The following KMT2C variants were observed in gnomAD, a reference collection of about 807,000 sequenced individuals.
KMT2C encodes lysine methyltransferase 2C.
KMT2C carries 88 observed loss-of-function variants against 507.9 expected under a neutral mutation model. That is an observed-to-expected ratio of 0.17 (90% CI 0.15 to 0.21). The LOEUF is 0.21. Among genes scored for constraint, KMT2C ranks in the 10% least tolerant of loss-of-function variants. The pLI is 1.00. For synonymous variants in KMT2C, 2,049 were observed against 2,080.8 expected (o/e 0.98, Z 0.42); for missense variants, 4,954 against 5,957.8 (o/e 0.83, Z 5.55).
rs2129089921 is a variant in KMT2C at position 152,139,768 on chromosome 7, T to G, written c.14367A>C (p.Arg4789=). ...RIQGLGLYAA[R]DIEKHTMVIE... ...TGACCATGGTGTGTTTCTCAATGTC[T>G]CGAGCAGCATACAGGCCCAGCCCCT... Residue 4789 remains arginine, a synonymous_variant, in exon 56 of 59, where the codon CGA becomes CGC. Transcript: ENST00000262189. 1.9e-6 allele frequency: 3 copies of G among 1,614,044 alleles called. No homozygotes were observed. The highest frequency in any genetic ancestry group is 2.5e-6 in the Non-Finnish European group (3 of 1,179,936).
Position 152,189,252 on chromosome 7 carries a change from G to C in KMT2C, c.4661-1405C>G, listed in dbSNP as rs28711411. Among the ~76,000 whole-genome samples, 1,184 of 152,218 alleles carry C rather than the reference G, an allele frequency of 7.8e-3. 20 individuals are homozygous for C. Among genetic ancestry groups the C allele is most frequent in the African/African-American group, 0.028 (1,143 of 41,548 alleles). On this transcript the variant is annotated intron_variant, in intron 31 of 58. Coordinates refer to ENST00000262189, the MANE Select transcript of KMT2C (RefSeq NM_170606.3). ...TAAGCCAACTGTCCATATTGGAGCA[G>C]TTTCCAGAAAAAAGAAAGAACAACA...
intron 3 of KMT2C, among the ~76,000 whole-genome samples, chr7:152,328,025 T>C (rs1395075392): frequency 6.6e-6 from 1 of 150,964 alleles, no homozygotes; most frequent in African/African-American, 2.4e-5. Context: ...TCAGGAACTA[T>C]TAAGTGCAGG....
intron 22 of KMT2C, among the ~76,000 whole-genome samples, chr7:152,221,037 C>T (rs1347954372): frequency 2.6e-5 from 4 of 152,150 alleles, no homozygotes; most frequent in Non-Finnish European, 1.5e-5. Flanking sequence ...GCAGGCAGAT[C>T]ACGAGGTCAT....
rs554318746 is a variant in KMT2C, at chr7:152,324,609, A to G, written c.389+5992T>C. Among the ~76,000 whole-genome samples, 29 of 152,006 alleles carry G rather than the reference A, an allele frequency of 1.9e-4. No homozygotes were observed. The South Asian group carries it at 6.0e-3, about 31-fold the overall frequency. ...AGTGGGGAGCAAATTTATGGAATAC[A>G]TATTCCAAGAAAAAAAATCTTTGAA... On this transcript the variant is annotated intron_variant, in intron 3 of 58. Transcript: ENST00000262189.
At chr7:152,233,787 T>G (rs527438206) in intron 16 of KMT2C, among the ~76,000 whole-genome samples, 10 of 152,264 alleles carry the variant, frequency 6.6e-5, no homozygotes, top group African/African-American at 2.4e-4. Context: ...AGATGCAAAT[T>G]TATGCAAGGA....
At chr7:152,187,147 TGGGTCATCA>T (rs2129124310) in intron 33 of KMT2C, 106 bp downstream of exon 33, 2 of 742,664 alleles carry the variant, frequency 2.7e-6, no homozygotes, top group East Asian at 5.1e-5. Flanking sequence ...CTTCATGTTG[TGGGTCATCA>T]TAGACAAAAA....
chr7:152,268,297 T>C (rs1327785117), intron 7 of KMT2C, among the ~76,000 whole-genome samples: 1 of 151,992 alleles, frequency 6.6e-6, no homozygotes, highest in Non-Finnish European at 1.5e-5. Context: ...ACTCTGCACA[T>C]TATTTCCTGA....
intron 1 of KMT2C, among the ~76,000 whole-genome samples, chr7:152,433,117 C>T (rs2097880263): frequency 6.6e-6 from 1 of 150,958 alleles, no homozygotes; most frequent in South Asian, 2.1e-4. Context: ...CACTGCACTA[C>T]AGCCTGGGCT....
intron 11 of KMT2C, among the ~76,000 whole-genome samples, chr7:152,251,465 G>A (rs10085791): frequency 0.043 from 6,550 of 152,158 alleles, 488 homozygotes; most frequent in African/African-American, 0.15. Flanking sequence ...ACAATCTGGC[G>A]AGCAGTTCTA....
chr7:152,256,103 G>A (rs945110447), intron 9 of KMT2C, among the ~76,000 whole-genome samples: 1 of 152,122 alleles, frequency 6.6e-6, no homozygotes, highest in African/African-American at 2.4e-5. Flanking sequence ...CCGCGAGGGG[G>A]AGGTTGCAAT....
chr7:152,266,308 G>A (rs889529317), intron 7 of KMT2C, among the ~76,000 whole-genome samples: 6 of 151,358 alleles, frequency 4.0e-5, no homozygotes, highest in African/African-American at 1.5e-4. Flanking sequence ...GCAATGGCAC[G>A]ATCTCGGCTT....
At chr7:152,140,280 A>G (rs998233999) in intron 55 of KMT2C, among the ~76,000 whole-genome samples, 1 of 152,244 alleles carries the variant, frequency 6.6e-6, no homozygotes, top group Non-Finnish European at 1.5e-5. Context: ...GGCAAAGAGC[A>G]GACACAGGAA....
Position 152,230,794 on chromosome 7 carries a change from A to G in KMT2C, c.2770-473T>C, listed in dbSNP as rs550729997. On this transcript the variant is annotated intron_variant, in intron 16 of 58. Coordinates refer to ENST00000262189, the MANE Select transcript of KMT2C (RefSeq NM_170606.3). ...TATATCGGTCGAAATGGAAGGCATT[A>G]AAATTAATTTCGCCTGTTCACTATA... Among the ~76,000 whole-genome samples, 8 of 152,298 alleles carry G rather than the reference A, an allele frequency of 5.3e-5. No individual in the cohort carries two copies. The East Asian group carries it at 1.5e-3, about 29-fold the overall frequency.
At chr7:152,176,058 A>G in intron 38 of KMT2C, 133 bp downstream of exon 38, 3 of 973,406 alleles carry the variant, frequency 3.1e-6, no homozygotes, top group Non-Finnish European at 4.5e-6. Context: ...AAAACAAACA[A>G]ACTCCTCAAG....
intron 27 of KMT2C, among the ~76,000 whole-genome samples, chr7:152,196,602 C>A (rs1219019672): frequency 1.3e-5 from 2 of 152,134 alleles, no homozygotes; most frequent in Non-Finnish European, 2.9e-5. Flanking sequence ...ATGACTGAAA[C>A]AAAGTGCCTG....
intron 6 of KMT2C, among the ~76,000 whole-genome samples, chr7:152,294,614 AC>A (rs2096471050): frequency 6.6e-6 from 1 of 151,860 alleles, no homozygotes; most frequent in Admixed American, 6.6e-5. Flanking sequence ...CATGAGCAAC[AC>A]AGCAAGATCC....
Position 152,207,403 on chromosome 7 carries a change from T to C in KMT2C, c.3738A>G (p.Gly1246=), listed in dbSNP as rs769088573. The part of the protein sequence containing the change: ...SREGELMDCD[G]KSESSPEREA... Reference sequence around the variant, plus strand: ...CCCGCTCAGGACTAGATTCTGATTTTCCATCACAATCCATAAGTTCTCCTT... The same window carrying C: ...CCCGCTCAGGACTAGATTCTGATTTCCCATCACAATCCATAAGTTCTCCTT... The change falls in exon 24 of 59, where the codon GGA becomes GGG. Residue 1246 remains glycine, a synonymous_variant. Transcript: ENST00000262189. The C allele has an allele frequency of 4.4e-6, 7 of 1,599,384 alleles. No individual in the cohort carries two copies. Among genetic ancestry groups the C allele is most frequent in the Non-Finnish European group, 6.0e-6 (7 of 1,175,024 alleles).
intron 32 of KMT2C, 35 bp downstream of exon 32, chr7:152,187,680 G>A: frequency 6.3e-7 from 1 of 1,593,966 alleles, no homozygotes; most frequent in Non-Finnish European, 8.5e-7. Context: ...AGAAATTAGT[G>A]CAATTTAAGT....
At chr7:152,371,163 A>C (rs2097290522) in intron 1 of KMT2C, among the ~76,000 whole-genome samples, 1 of 152,260 alleles carries the variant, frequency 6.6e-6, no homozygotes, top group Non-Finnish European at 1.5e-5. Flanking sequence ...AAATGTAAAG[A>C]GACAAAAGTA....
Sources: allele counts gnomAD v4.1 joint callset (sites outside exome capture counted in the v4.1 genomes callset), GRCh38; gene constraint gnomAD v4.1.1; transcripts MANE v1.5; gene names NCBI Gene and HGNC (gene_info 2026-07-23, HGNC 2026-07-21).